KRTAP4-6: variants seen among roughly 807,000 people sequenced by gnomAD.
KRTAP4-6 encodes the protein keratin associated protein 4-6, also known as keratin-associated protein 4-6.
Under a neutral mutation model 3.6 loss-of-function variants are expected in KRTAP4-6, and 1 was observed. The observed-to-expected ratio is 0.28, with a 90% CI of 0.10 to 1.32. The LOEUF is 1.32. Ranked by LOEUF, KRTAP4-6 falls within the 40% of genes most tolerant of loss-of-function variation. KRTAP4-6 has a pLI of 0.45. For synonymous variants in KRTAP4-6, 97 were observed against 96.7 expected (o/e 1.00, Z -0.02); for missense variants, 275 against 280.3 (o/e 0.98, Z 0.14).
chr17:41,140,159 C>T lies in KRTAP4-6; in HGVS notation c.329G>A (p.Ser110Asn), dbSNP rs762910471. Residue 110 changes from serine (S) to asparagine (N), a missense_variant, in exon 1 of 1, where the codon AGC becomes AAC. Physicochemically the swap from Ser to Asn is conservative, Grantham distance 46. Transcript: ENST00000345847. ...GCTGGGGCGACAGCAGCTGGAGATG[C>T]TGCAGCTGGGACGGCAGCAAGTGGG... 9.6e-6 allele frequency: 14 copies of T among 1,462,608 alleles called. No individual in the cohort carries two copies. The African/African-American group carries it at 1.1e-4, about 12-fold the overall frequency. 90.6% of individuals were successfully genotyped at this position (1,462,608 alleles called of 1,614,324 possible). A position where few individuals can be genotyped will look rare whatever the true frequency, so the allele number is the denominator to read the frequency against.
chr17:41,140,097 GGCAGCACTGGGACCT>G, exon 1 of KRTAP4-6: 2 of 1,459,172 alleles, frequency 1.4e-6, no homozygotes, highest in South Asian at 2.5e-5. Flanking sequence ...CACACAGACT[GGCAGCACTGGGACCT>G]GCAGCACCTG....
In KRTAP4-6 at chr17:41,140,184, GCTGGCAGCACACAGA is replaced by G. The variant is rs767582764; in HGVS notation, c.289_303del (p.Ser97_Gln101del). ...CTGCAGCTGGGACGGCAGCAAGTGG[GCTGGCAGCACACAGA>G]CTGGCAGCACTGGGGTCTGCAGCAG... On this transcript the variant is annotated inframe_deletion, in exon 1 of 1. Coordinates refer to ENST00000345847, the Ensembl canonical transcript of KRTAP4-6. The G allele has an allele frequency of 5.7e-6, 9 of 1,584,490 alleles. No individual in the cohort carries two copies. The South Asian group carries it at 7.9e-5, about 14-fold the overall frequency.
rs1038786149 is a variant in KRTAP4-6 at position 41,139,615 on chromosome 17, A to G, written c.*255T>C. ...TGGGACAGAAGAACTTGGTATCCATAAATACAAATATAAGGTATAAAATTT... is the reference window on the plus strand; with the variant it reads ...TGGGACAGAAGAACTTGGTATCCATGAATACAAATATAAGGTATAAAATTT... On this transcript the variant is annotated 3_prime_UTR_variant, in exon 1 of 1. Transcript: ENST00000345847. 1.3e-5 allele frequency: 8 copies of G among 613,464 alleles called. No individual in the cohort carries two copies. In the African/African-American group the frequency reaches 1.5e-4, roughly 11 times the overall value. The allele number at this position is 613,464 out of a possible 1,614,324, so 38.0% of individuals were successfully genotyped here.
rs73983173 is a variant in KRTAP4-6 at position 41,140,463 on chromosome 17, C to T, written c.25G>A (p.Val9Ile). 33 of 1,613,482 alleles carry T rather than the reference C, an allele frequency of 2.0e-5. No individual in the cohort carries two copies. The highest frequency in any genetic ancestry group is 1.3e-4 in the African/African-American group (10 of 75,006). The change falls in exon 1 of 1, where the codon GTC (valine) becomes ATC (isoleucine). Residue 9 changes from valine (V) to isoleucine (I), a missense_variant. Physicochemically the swap from Val to Ile is conservative, Grantham distance 29 (BLOSUM62 3). Coordinates refer to ENST00000345847, the Ensembl canonical transcript of KRTAP4-6. ...AGGCCACAGCCCTGGTCAGAGCAGA[C>T]GGAACCACAACAGGAGCTGACCATG...
chr17:41,140,505 G>T (rs1045828418), upstream of KRTAP4-6: 6 of 1,596,460 alleles, frequency 3.8e-6, no homozygotes, highest in East Asian at 2.2e-5. Context: ...GAGGGTAAAG[G>T]TTCTGGGTGG....
chr17:41,139,706 C>T lies in KRTAP4-6; in HGVS notation c.*164G>A, dbSNP rs2014663100. 6.5e-6 allele frequency: 7 copies of T among 1,074,688 alleles called. No individual in the cohort carries two copies. In the South Asian group the frequency reaches 1.2e-4, roughly 19 times the overall value. The allele number at this position is 1,074,688 out of a possible 1,614,324, so 66.6% of individuals were successfully genotyped here. On this transcript the variant is annotated 3_prime_UTR_variant, in exon 1 of 1. Transcript: ENST00000345847. ...TTCACACTTGGGTCAACATGGGGAA[C>T]ATATATTCTAGATGTATAGCCAGGA...
upstream of KRTAP4-6, chr17:41,140,537 G>T: frequency 6.4e-7 from 1 of 1,563,506 alleles, no homozygotes; most frequent in Non-Finnish European, 8.7e-7. Flanking sequence ...AGTGAGTTTC[G>T]TGAGTTTGGG....
chr17:41,139,839 GA>G, exon 1 of KRTAP4-6: 1 of 1,550,734 alleles, frequency 6.4e-7, no homozygotes. Context: ...GGAGTGAGCT[GA>G]AGGGGAGGAG....
exon 1 of KRTAP4-6, chr17:41,139,730 GA>G (rs2014663521): frequency 3.3e-6 from 4 of 1,217,814 alleles, no homozygotes; most frequent in Non-Finnish European, 4.5e-6. Flanking sequence ...GTATAGCCAG[GA>G]CATATATCCT....
exon 1 of KRTAP4-6, chr17:41,140,320 G>A (rs2014679117): frequency 2.5e-6 from 4 of 1,608,860 alleles, no homozygotes; most frequent in South Asian, 1.1e-5. Flanking sequence ...AGGTGGGCTG[G>A]CAGCACACAG....
In KRTAP4-6 at chr17:41,140,418, T is replaced by G. The variant is rs754644399; in HGVS notation, c.70A>C (p.Ser24Arg). The change falls in exon 1 of 1, where the codon AGC (serine) becomes CGC (arginine). Residue 24 changes from serine (S) to arginine (R), a missense_variant. By Grantham distance (110) the Ser-to-Arg change is moderately radical (BLOSUM62 -1). Coordinates refer to ENST00000345847, the Ensembl canonical transcript of KRTAP4-6. Reference sequence around the variant, plus strand: ...CTGCAGCAGGTGGTCTGACAGCAGCTGGGGCGGCAGCAGGTCTCCAGGCCA... The same window carrying G: ...CTGCAGCAGGTGGTCTGACAGCAGCGGGGGCGGCAGCAGGTCTCCAGGCCA... 2 of 1,613,614 alleles carry G rather than the reference T, an allele frequency of 1.2e-6. No individual in the cohort carries two copies. Among genetic ancestry groups the G allele is most frequent in the Admixed American group, 1.7e-5 (1 of 59,982 alleles).
exon 1 of KRTAP4-6, chr17:41,139,641 G>T: frequency 1.4e-6 from 1 of 701,444 alleles, no homozygotes. Context: ...TATAAAATTT[G>T]GTAAATTCTA....
At chr17:41,140,276 T>TGACAGCAGCTGG (rs563501173) in exon 1 of KRTAP4-6, 14 of 1,588,006 alleles carry the variant, frequency 8.8e-6, no homozygotes, top group Admixed American at 1.7e-5. Context: ...GCAGGTGGTC[T>TGACAGCAGCTGG]GACAGCAGCT....
At chr17:41,140,365 A>G (rs1263356807) in exon 1 of KRTAP4-6, 1 of 1,612,180 alleles carries the variant, frequency 6.2e-7, no homozygotes, top group Non-Finnish European at 8.5e-7. Context: ...AGCTGGACAC[A>G]CAGCAGCTGG....
chr17:41,140,350 G>A, exon 1 of KRTAP4-6: 1 of 1,613,408 alleles, frequency 6.2e-7, no homozygotes, highest in Non-Finnish European at 8.5e-7. Flanking sequence ...ACTGGGGTCT[G>A]CAGCAGCTGG....
chr17:41,139,852 T>C lies in KRTAP4-6; in HGVS notation c.*18A>G, dbSNP rs766730900. 3.7e-5 allele frequency: 57 copies of C among 1,559,598 alleles called. 1 individual carries two copies. Among genetic ancestry groups the C allele is most frequent in the South Asian group, 3.4e-4 (29 of 84,512 alleles). Reference sequence around the variant, plus strand: ...GAGGAGTGAGCTGAAGGGGAGGAGATAGTTTCAGGCAAGGAGCTCAGCAGC... The same window carrying C: ...GAGGAGTGAGCTGAAGGGGAGGAGACAGTTTCAGGCAAGGAGCTCAGCAGC... On this transcript the variant is annotated 3_prime_UTR_variant, in exon 1 of 1. Coordinates refer to ENST00000345847, the Ensembl canonical transcript of KRTAP4-6.
chr17:41,140,116 G>T lies in KRTAP4-6; in HGVS notation c.372C>A (p.Cys124Ter). Residue 124 changes from cysteine (C) to a stop codon, truncating the protein, a stop_gained, in exon 1 of 1, where the codon TGC becomes TGA. Coordinates refer to ENST00000345847, the Ensembl canonical transcript of KRTAP4-6. LOFTEE classifies it low-confidence loss of function (END_TRUNC). Reference sequence around the variant, plus strand: ...CAGACTGGCAGCACTGGGACCTGCAGCACCTGGACACACAGCAGCTGGGGC... The same window carrying T: ...CAGACTGGCAGCACTGGGACCTGCATCACCTGGACACACAGCAGCTGGGGC... The T allele has an allele frequency of 6.9e-7, 1 of 1,454,520 alleles. No individual in the cohort carries two copies. Among genetic ancestry groups the T allele is most frequent in the Non-Finnish European group, 9.3e-7 (1 of 1,072,768 alleles). The allele number at this position is 1,454,520 out of a possible 1,614,324, so 90.1% of individuals were successfully genotyped here.
chr17:41,140,472 A>G (rs1221496441), exon 1 of KRTAP4-6: 1 of 1,612,704 alleles, frequency 6.2e-7, no homozygotes, highest in South Asian at 1.1e-5. Flanking sequence ...ACGGAACCAC[A>G]ACAGGAGCTG....
chr17:41,140,074 G>T, exon 1 of KRTAP4-6: 1 of 1,555,486 alleles, frequency 6.4e-7, no homozygotes. Context: ...GACGGCAGCA[G>T]GTTGGCTGGC....
Sources: gnomAD v4.1 joint callset for allele counts on GRCh38, gnomAD v4.1.1 for gene constraint, MANE v1.5 for transcripts, NCBI Gene and HGNC (gene_info 2026-07-23, HGNC 2026-07-21) for gene names.